PCDHGB2: variants seen among roughly 807,000 people sequenced by gnomAD.
PCDHGB2 encodes protocadherin gamma subfamily B, 2, also known as protocadherin gamma-B2.
PCDHGB2 carries 55 observed loss-of-function variants against 59.3 expected under a neutral mutation model. That is an observed-to-expected ratio of 0.93 (90% CI 0.75 to 1.16). The LOEUF (loss-of-function observed/expected upper bound fraction) is 1.16. Ranked by LOEUF, PCDHGB2 falls within the 50% of genes most tolerant of loss-of-function variation. The probability of loss-of-function intolerance (pLI) is 0.00; values close to 1 mark genes in which losing one functional copy is unlikely to be tolerated. For synonymous variants in PCDHGB2, 516 were observed against 512.0 expected (o/e 1.01, Z -0.11); for missense variants, 1,228 against 1,198.5 (o/e 1.02, Z -0.36).
chr5:141,494,843 G>T lies in PCDHGB2; in HGVS notation c.2458G>T (p.Ala820Ser). The T allele has an allele frequency of 6.2e-7, 1 of 1,614,088 alleles. No individual in the cohort carries two copies. The highest frequency in any genetic ancestry group is 8.5e-7 in the Non-Finnish European group (1 of 1,180,006). ...PPNTDWRFSQ[A>S]QRPGTSGSQN... Reference sequence around the variant, plus strand: ...CAACACGGACTGGCGTTTCTCTCAGGCCCAGAGACCCGGCACCAGCGGGTA... The same window carrying T: ...CAACACGGACTGGCGTTTCTCTCAGTCCCAGAGACCCGGCACCAGCGGGTA... Residue 820 changes from alanine (A) to serine (S), a missense_variant, in exon 2 of 4, where the codon GCC becomes TCC. This residue lies in a region of PCDHGB2 where 433 missense variants were observed against 441.8 expected (regional missense o/e 0.98). Transcript: ENST00000522605.
At chr5:141,383,981 C>T in intron 1 of PCDHGB2, 3 of 1,613,792 alleles carry the variant, frequency 1.9e-6, no homozygotes, top group Non-Finnish European at 2.5e-6. Context: ...GAAGACACAC[C>T]TCTTGGGACA....
chr5:141,365,000 G>C (rs188773052), intron 1 of PCDHGB2: 16 of 1,613,704 alleles, frequency 9.9e-6, no homozygotes, highest in South Asian at 3.3e-5. Context: ...GGTACTCTCC[G>C]GCACCACGCA....
intron 2 of PCDHGB2, among the ~76,000 whole-genome samples, chr5:141,496,827 C>A (rs1595415247): frequency 6.6e-6 from 1 of 151,780 alleles, no homozygotes; most frequent in East Asian, 1.9e-4. Context: ...TAGATGTGAT[C>A]CCAGAACTCA....
chr5:141,448,814 G>A (rs967588194), intron 1 of PCDHGB2, among the ~76,000 whole-genome samples: 14 of 152,122 alleles, frequency 9.2e-5, no homozygotes, highest in Non-Finnish European at 1.8e-4. Flanking sequence ...GCGTGATGGC[G>A]GGCGCCTGTA....
Position 141,422,497 on chromosome 5 carries a change from A to G in PCDHGB2, c.2421+59941A>G, listed in dbSNP as rs1257927470. 1.9e-6 allele frequency: 3 copies of G among 1,613,874 alleles called. No homozygotes were observed. In the African/African-American group the frequency reaches 4.0e-5, roughly 22 times the overall value. On this transcript the variant is annotated intron_variant, in intron 1 of 3. Transcript: ENST00000522605. Reference sequence around the variant, plus strand: ...GGTCCAGAGCTACAATATAACGTTGACAGCCACAGACCAGGGAAGCCCGCC... The same window carrying G: ...GGTCCAGAGCTACAATATAACGTTGGCAGCCACAGACCAGGGAAGCCCGCC...
chr5:141,452,165 C>T (rs917431071), intron 1 of PCDHGB2, among the ~76,000 whole-genome samples: 2 of 152,120 alleles, frequency 1.3e-5, no homozygotes, highest in African/African-American at 4.8e-5. Flanking sequence ...TATTCTATTA[C>T]TAACATTTTT....
intron 1 of PCDHGB2, chr5:141,371,062 G>T: frequency 6.2e-7 from 1 of 1,613,974 alleles, no homozygotes; most frequent in Non-Finnish European, 8.5e-7. Context: ...CCCTCCAGAA[G>T]CTGTACCACC....
chr5:141,439,172 G>A (rs1181712838), intron 1 of PCDHGB2, among the ~76,000 whole-genome samples: 1 of 147,496 alleles, frequency 6.8e-6, no homozygotes, highest in Admixed American at 6.8e-5. Context: ...CAGCCTGGGC[G>A]ACATAGTGAG....
intron 1 of PCDHGB2, among the ~76,000 whole-genome samples, chr5:141,443,726 TAC>T: frequency 6.6e-6 from 1 of 152,262 alleles, no homozygotes; most frequent in Admixed American, 6.5e-5. Flanking sequence ...AAATTCCTCA[TAC>T]ATTTCCCTAT....
chr5:141,476,714 C>T lies in PCDHGB2; in HGVS notation c.2422-18093C>T, dbSNP rs146188020. On this transcript the variant is annotated intron_variant, in intron 1 of 3. Transcript: ENST00000522605. The surrounding 1 kb of genome is among the most constrained non-coding windows in gnomAD (Gnocchi z 7.6). ...CAAGTACGCGGAGCTGGTGTTGGAG[C>T]GCGCCCTGGACCGAGAACGGGAGCC... The T allele has an allele frequency of 6.2e-7, 1 of 1,614,154 alleles. No individual in the cohort carries two copies. The highest frequency in any genetic ancestry group is 8.5e-7 in the Non-Finnish European group (1 of 1,180,032).
At chr5:141,409,081 A>G (rs1220843821) in intron 1 of PCDHGB2, 3 of 1,613,820 alleles carry the variant, frequency 1.9e-6, no homozygotes, top group Non-Finnish European at 2.5e-6. Context: ...ATATGTTCTC[A>G]TTGGATGAGA....
At chr5:141,414,812 T>C (rs1389980970) in intron 1 of PCDHGB2, 1 of 1,614,172 alleles carries the variant, frequency 6.2e-7, no homozygotes, top group South Asian at 1.1e-5. Flanking sequence ...GATCCTCCAC[T>C]CAGCAGCAAC....
intron 1 of PCDHGB2, chr5:141,418,214 G>A: frequency 6.2e-7 from 1 of 1,614,064 alleles, no homozygotes; most frequent in Non-Finnish European, 8.5e-7. Flanking sequence ...TATTTTTCAT[G>A]TCATTGTGGT....
At chr5:141,427,092 G>T in intron 1 of PCDHGB2, 1 of 458,134 alleles carries the variant, frequency 2.2e-6, no homozygotes, top group Non-Finnish European at 4.4e-6. Flanking sequence ...CCAGGATGAG[G>T]GTGTCAATGC....
intron 1 of PCDHGB2, chr5:141,393,292 C>T: frequency 6.2e-7 from 1 of 1,613,946 alleles, no homozygotes; most frequent in Non-Finnish European, 8.5e-7. Context: ...GCTGTTGACC[C>T]GGATGTGGGC....
intron 1 of PCDHGB2, chr5:141,422,919 G>A (rs1445179310): frequency 3.7e-6 from 6 of 1,614,238 alleles, no homozygotes; most frequent in Non-Finnish European, 5.1e-6. Flanking sequence ...CCGAGATCCT[G>A]TACCCTGCCC....
intron 1 of PCDHGB2, chr5:141,374,142 TG>T (rs1770186580): frequency 6.2e-7 from 1 of 1,610,196 alleles, no homozygotes; most frequent in Non-Finnish European, 8.5e-7. Flanking sequence ...CTCACGCTCC[TG>T]GGGACGCTGT....
In PCDHGB2 at chr5:141,404,747, G is replaced by A. The variant is rs142282950; in HGVS notation, c.2421+42191G>A. 3.0e-4 allele frequency: 483 copies of A among 1,614,062 alleles called. 2 individuals carry two copies. The African/African-American group carries it at 5.3e-3, about 18-fold the overall frequency. On this transcript the variant is annotated intron_variant, in intron 1 of 3. Coordinates refer to ENST00000522605, the MANE Select transcript of PCDHGB2 (RefSeq NM_018923.3). ...GGTGGTGGCAGTGGACAGAGACTCA[G>A]GCCAGAATGCTTGGCTCTCCTACCG...
chr5:141,429,239 T>C (rs1344971786), intron 1 of PCDHGB2: 1 of 151,802 alleles, frequency 6.6e-6, no homozygotes, highest in East Asian at 1.9e-4. Context: ...ACTGCTGTCA[T>C]TGAGATATTT....
Sources: gnomAD v4.1 joint callset for allele counts (sites outside exome capture counted in the v4.1 genomes callset) on GRCh38, gnomAD v4.1.1 for gene constraint, gnomAD v4.1.1 regional missense constraint, Gnocchi (gnomAD v3.1) non-coding constraint, MANE v1.5 for transcripts, NCBI Gene and HGNC (gene_info 2026-07-23, HGNC 2026-07-21) for gene names.